Variants in SASH1 observed in about 807,000 individuals in gnomAD.
The protein encoded by SASH1 is SAM and SH3 domain containing 1.
A neutral mutation model predicts 125.2 loss-of-function variants in SASH1; 44 were observed. The observed-to-expected ratio is 0.35, with a 90% CI of 0.28 to 0.45. The LOEUF (loss-of-function observed/expected upper bound fraction) is 0.45, where lower values mean the gene tolerates loss of function less well. SASH1 is among the 20% of genes least tolerant of loss of function. The pLI is 1.00. For missense variants in SASH1, 1,426 were observed against 1,614.5 expected, an observed-to-expected ratio of 0.88 and a Z score of 2.00; for synonymous variants, 639 against 649.1, an observed-to-expected ratio of 0.98 and a Z score of 0.24.
At position 148,359,689 on chromosome 6, in the gene SASH1, A is replaced by G. The variant is rs577028579; in HGVS notation, c.156+16466A>G. Among the ~76,000 whole-genome samples, 6 of 152,306 alleles carry G rather than the reference A, an allele frequency of 3.9e-5. No homozygotes were observed. In the East Asian group the frequency reaches 1.2e-3, roughly 29 times the overall value. On this transcript the variant is annotated intron_variant, in intron 1 of 19. Coordinates refer to ENST00000367467, the MANE Select transcript of SASH1 (RefSeq NM_015278.5). ...TGTGGGTAAAGTGCTATCACACAGT[A>G]TAGTATGTTAAGGAGAAATCTTTCA...
chr6:148,536,767 AC>A (rs1366178386), intron 16 of SASH1, among the ~76,000 whole-genome samples: 1 of 152,180 alleles, frequency 6.6e-6, no homozygotes, highest in African/African-American at 2.4e-5. Context: ...TTTGGCTGAG[AC>A]CCATCATTCC....
At chr6:148,534,040 C>G (rs559868491) in intron 15 of SASH1, 60 bp downstream of exon 15, 3 of 1,513,810 alleles carry the variant, frequency 2.0e-6, no homozygotes, top group East Asian at 4.5e-5. Context: ...CTCTCCTACA[C>G]TAAGCAAGTG....
intron 1 of SASH1, among the ~76,000 whole-genome samples, chr6:148,372,935 C>T (rs982139100): frequency 6.6e-6 from 1 of 152,156 alleles, no homozygotes; most frequent in African/African-American, 2.4e-5. Flanking sequence ...TGGCTCACTC[C>T]TGTAATCCCA....
At chr6:148,318,109 C>A (rs572424332) in intron 1 of SASH1, among the ~76,000 whole-genome samples, 1 of 152,290 alleles carries the variant, frequency 6.6e-6, no homozygotes, top group East Asian at 1.9e-4. Context: ...CAGTTTCTGC[C>A]ACTGTCATTC....
In SASH1 at chr6:148,548,671, C is replaced by A; in HGVS notation, c.*113C>A. ...TGCAGACCAGATCCAGAAGAAAGGC[C>A]TGGCGTGTGGCCAAACAGCGTGAAA... On this transcript the variant is annotated 3_prime_UTR_variant, in exon 20 of 20. Transcript: ENST00000367467. The A allele has an allele frequency of 7.6e-7, 1 of 1,312,112 alleles. No homozygotes were observed. Among genetic ancestry groups the A allele is most frequent in the East Asian group, 2.4e-5 (1 of 42,550 alleles). 81.3% of individuals were successfully genotyped at this position (1,312,112 alleles called of 1,614,324 possible).
chr6:148,233,360 G>C, the SASH1 span, among the ~76,000 whole-genome samples: 1 of 152,132 alleles, frequency 6.6e-6, no homozygotes, highest in Non-Finnish European at 1.5e-5. Flanking sequence ...GCCAGAGAAA[G>C]AGGGGGAAGC....
intron 1 of SASH1, among the ~76,000 whole-genome samples, chr6:148,360,460 G>A (rs753704268): frequency 8.0e-5 from 12 of 150,118 alleles, no homozygotes; most frequent in South Asian, 2.1e-4. Flanking sequence ...CGATTCTCTC[G>A]CCTCAGTCTC....
chr6:148,326,335 T>TATGCATATATATATATATATATATATGC (rs1554235290), intron 1 of SASH1, among the ~76,000 whole-genome samples: 2 of 67,146 alleles, frequency 3.0e-5, no homozygotes, highest in African/African-American at 5.5e-5. Flanking sequence ...TATATATATA[T>TATGCATATATATATATATATATATATGC]ATATATATAT....
intron 7 of SASH1, among the ~76,000 whole-genome samples, chr6:148,476,274 C>CAAAAAAAAAAA (rs35854127): frequency 2.3e-5 from 2 of 88,146 alleles, no homozygotes; most frequent in Non-Finnish European, 2.3e-5. Context: ...AAAAGGACAC[C>CAAAAAAAAAAA]AAAAAAAAAA....
chr6:148,449,330 G>A (rs1001495427), intron 4 of SASH1, among the ~76,000 whole-genome samples: 3 of 150,946 alleles, frequency 2.0e-5, no homozygotes, highest in East Asian at 1.9e-4. Flanking sequence ...TCAGCCCCCC[G>A]AAGTGCTAGG....
chr6:148,457,310 A>G (rs184926916), intron 4 of SASH1, among the ~76,000 whole-genome samples: 1 of 152,118 alleles, frequency 6.6e-6, no homozygotes, highest in East Asian at 1.9e-4. Context: ...ACCGGTAATT[A>G]GAGACAATGT....
intron 1 of SASH1, among the ~76,000 whole-genome samples, chr6:148,370,703 GTCC>G (rs1488673704): frequency 6.6e-6 from 1 of 151,892 alleles, no homozygotes; most frequent in Non-Finnish European, 1.5e-5. Flanking sequence ...GGCGCCTGTA[GTCC>G]CAGCTACTCG....
chr6:148,478,039 T>C (rs1288251735), intron 7 of SASH1, among the ~76,000 whole-genome samples: 1 of 152,046 alleles, frequency 6.6e-6, no homozygotes, highest in Non-Finnish European at 1.5e-5. Flanking sequence ...ACAAATGCTG[T>C]TAAGGATATG....
the SASH1 span, among the ~76,000 whole-genome samples, chr6:148,253,327 G>A: frequency 5.3e-3 from 800 of 152,302 alleles, 7 homozygotes; most frequent in African/African-American, 0.018. Context: ...TGGGAAATGA[G>A]TAGTCTTTTC....
intron 1 of SASH1, among the ~76,000 whole-genome samples, chr6:148,380,227 G>A (rs1330454425): frequency 6.6e-6 from 1 of 152,094 alleles, no homozygotes; most frequent in Non-Finnish European, 1.5e-5. Context: ...TACCACAGAC[G>A]GTCACACCGC....
intron 1 of SASH1, among the ~76,000 whole-genome samples, chr6:148,290,425 T>C (rs1779598276): frequency 6.7e-6 from 1 of 149,990 alleles, no homozygotes; most frequent in African/African-American, 2.5e-5. Flanking sequence ...GCTAACAGAG[T>C]GAAACCCCGT....
At chr6:148,298,991 T>C (rs936425349) in intron 1 of SASH1, among the ~76,000 whole-genome samples, 1 of 152,166 alleles carries the variant, frequency 6.6e-6, no homozygotes, top group African/African-American at 2.4e-5. Flanking sequence ...TTCTCTTCAG[T>C]CAAAATATCA....
At chr6:148,407,918 C>T (rs1440378672) in intron 2 of SASH1, among the ~76,000 whole-genome samples, 2 of 152,098 alleles carry the variant, frequency 1.3e-5, no homozygotes, top group Admixed American at 6.5e-5. Context: ...CAGGCGTGAG[C>T]CACCGCACCC....
the SASH1 span, among the ~76,000 whole-genome samples, chr6:148,242,455 G>C: frequency 6.6e-6 from 1 of 152,096 alleles, no homozygotes; most frequent in Non-Finnish European, 1.5e-5. Flanking sequence ...CAAGTGATTT[G>C]AGAATCTCTC....
Sources: gnomAD v4.1 joint callset for allele counts (sites outside exome capture counted in the v4.1 genomes callset) on GRCh38, gnomAD v4.1.1 for gene constraint, MANE v1.5 for transcripts, NCBI Gene and HGNC (gene_info 2026-07-23, HGNC 2026-07-21) for gene names.